Variants in UBE3D observed in about 807,000 individuals in gnomAD.
UBE3D encodes ubiquitin protein ligase E3D.
In UBE3D, 48 loss-of-function variants were observed where a neutral mutation model predicts 49.6. That is an observed-to-expected ratio of 0.97 (90% CI 0.77 to 1.23). UBE3D has a LOEUF of 1.23. UBE3D is among the 50% of genes most tolerant of loss of function. The pLI is 0.00. For missense variants in UBE3D, 452 were observed against 468.4 expected, an observed-to-expected ratio of 0.96 and a Z score of 0.32; for synonymous variants, 189 against 174.2, an observed-to-expected ratio of 1.08 and a Z score of -0.67.
chr6:83,018,514 C>T (rs1780851341), intron 8 of UBE3D: 1 of 159,384 alleles, frequency 6.3e-6, no homozygotes, highest in African/African-American at 2.4e-5. Flanking sequence ...TGTTGTTAGG[C>T]TTAAATGAGC....
intron 9 of UBE3D, among the ~76,000 whole-genome samples, chr6:82,893,358 GGACCTTCCATATTTA>G (rs766396478): frequency 6.6e-6 from 1 of 151,906 alleles, no homozygotes; most frequent in Non-Finnish European, 1.5e-5. Flanking sequence ...CTATTGTTTT[GGACCTTCCATATTTA>G]GAATTCTGAG....
chr6:82,923,478 A>G (rs547239373), intron 9 of UBE3D, among the ~76,000 whole-genome samples: 1 of 152,234 alleles, frequency 6.6e-6, no homozygotes, highest in East Asian at 1.9e-4. Flanking sequence ...CAAACACTGC[A>G]TGTTCTCACT....
intron 5 of UBE3D, among the ~76,000 whole-genome samples, chr6:83,033,367 A>C (rs1782016070): frequency 6.6e-6 from 1 of 152,140 alleles, no homozygotes; most frequent in Non-Finnish European, 1.5e-5. Context: ...TGAGATTTAA[A>C]GGAGACAAAC....
intron 8 of UBE3D, among the ~76,000 whole-genome samples, chr6:82,958,901 G>A (rs1442244440): frequency 6.6e-6 from 1 of 152,192 alleles, no homozygotes; most frequent in Non-Finnish European, 1.5e-5. Context: ...CCAAAATGAG[G>A]AAAATGACAG....
intron 8 of UBE3D, among the ~76,000 whole-genome samples, chr6:82,985,142 A>G (rs531712496): frequency 6.6e-6 from 1 of 150,746 alleles, no homozygotes; most frequent in South Asian, 2.1e-4. Flanking sequence ...TGGGCCACAC[A>G]TGCCTGGCCT....
At chr6:82,924,134 C>G (rs1456571320) in intron 9 of UBE3D, among the ~76,000 whole-genome samples, 23 of 151,384 alleles carry the variant, frequency 1.5e-4, no homozygotes, top group Admixed American at 1.4e-3. Context: ...TGGAAGTCCA[C>G]AAATGGCAGC....
chr6:83,049,820 TTCACA>T, intron 3 of UBE3D: 1 of 470,778 alleles, frequency 2.1e-6, no homozygotes, highest in Non-Finnish European at 4.4e-6. Context: ...ACTGATTTCA[TTCACA>T]TATGAGATGA....
At chr6:82,915,660 T>A (rs1772864798) in intron 9 of UBE3D, among the ~76,000 whole-genome samples, 1 of 152,208 alleles carries the variant, frequency 6.6e-6, no homozygotes, top group Admixed American at 6.5e-5. Flanking sequence ...TCTCTTTGAA[T>A]TATAATTTTT....
At chr6:82,910,694 A>T (rs1275473499) in intron 9 of UBE3D, among the ~76,000 whole-genome samples, 1 of 152,144 alleles carries the variant, frequency 6.6e-6, no homozygotes, top group Non-Finnish European at 1.5e-5. Flanking sequence ...CTTTCACAAA[A>T]GCTGTTGGGG....
chr6:82,893,709 T>C (rs1302326532), intron 9 of UBE3D, among the ~76,000 whole-genome samples: 1 of 152,176 alleles, frequency 6.6e-6, no homozygotes. Flanking sequence ...GAGTCAAGTA[T>C]AGAGCAGAGA....
At chr6:82,884,369 G>GA in the UBE3D span, among the ~76,000 whole-genome samples, 1 of 151,980 alleles carries the variant, frequency 6.6e-6, no homozygotes, top group African/African-American at 2.4e-5. Context: ...TGATGCTGGA[G>GA]AAAAAAAGGA....
chr6:82,926,238 GC>G (rs748026427), intron 9 of UBE3D, among the ~76,000 whole-genome samples: 20 of 152,180 alleles, frequency 1.3e-4, no homozygotes, highest in Admixed American at 9.2e-4. Flanking sequence ...CTTTAGACTG[GC>G]TTTTTTCACC....
At position 83,019,190 on chromosome 6, in the gene UBE3D, T is replaced by C. The variant is rs546971063; in HGVS notation, c.847-54A>G. On this transcript the variant is annotated intron_variant, in intron 7 of 9. Transcript: ENST00000369747. ...TAAGAATATTGTCACCTTATCCATA[T>C]CTTATGACTTTTCAAAAACAAAAAA... 496 of 1,480,890 alleles carry C rather than the reference T, an allele frequency of 3.3e-4. 2 individuals are homozygous for C. Among genetic ancestry groups the C allele is most frequent in the Middle Eastern group, 2.9e-3 (16 of 5,556 alleles). The allele number at this position is 1,480,890 out of a possible 1,614,324, so 91.7% of individuals were successfully genotyped here.
chr6:82,956,990 G>A (rs1200781437), intron 9 of UBE3D, among the ~76,000 whole-genome samples: 6 of 152,122 alleles, frequency 3.9e-5, no homozygotes, highest in African/African-American at 1.4e-4. Flanking sequence ...TTAGCCAGGT[G>A]TGGTGGCATG....
chr6:82,970,212 A>C (rs60766110), intron 8 of UBE3D, among the ~76,000 whole-genome samples: 20,153 of 150,696 alleles, frequency 0.13, 1,394 homozygotes, highest in South Asian at 0.16. Flanking sequence ...CATCTGGAAG[A>C]AAATAAATTT....
chr6:83,061,735 T>A (rs965731971), intron 1 of UBE3D, among the ~76,000 whole-genome samples: 5 of 152,212 alleles, frequency 3.3e-5, no homozygotes, highest in African/African-American at 1.2e-4. Context: ...GTGGTGAAAG[T>A]ATTCACACCA....
intron 6 of UBE3D, among the ~76,000 whole-genome samples, chr6:83,023,399 T>C (rs1308822965): frequency 1.3e-5 from 2 of 152,232 alleles, no homozygotes; most frequent in East Asian, 3.8e-4. Context: ...AAAACTTTTA[T>C]ATGTGTGGTT....
At chr6:82,933,309 C>A (rs187858400) in intron 9 of UBE3D, among the ~76,000 whole-genome samples, 1 of 152,296 alleles carries the variant, frequency 6.6e-6, no homozygotes, top group Admixed American at 6.5e-5. Context: ...ACCAACACAA[C>A]AGAGTTAAGA....
intron 8 of UBE3D, among the ~76,000 whole-genome samples, chr6:82,975,932 C>G (rs1479237029): frequency 1.3e-5 from 2 of 151,970 alleles, no homozygotes; most frequent in African/African-American, 4.8e-5. Flanking sequence ...TGACTGACTA[C>G]TTGAGGTGAT....
Sources: allele counts gnomAD v4.1 joint callset (sites outside exome capture counted in the v4.1 genomes callset), GRCh38; gene constraint gnomAD v4.1.1; transcripts MANE v1.5; gene names NCBI Gene and HGNC (gene_info 2026-07-23, HGNC 2026-07-21).